Variants in AR observed in about 807,000 individuals in gnomAD.
AR encodes androgen receptor, also known as dihydrotestosterone receptor.
Under a neutral mutation model 53.9 loss-of-function variants are expected in AR, and 8 were observed. The ratio of observed to expected loss-of-function variants is 0.15; its 90% CI spans 0.09 to 0.27. AR has a LOEUF of 0.27. AR is among the 10% of genes least tolerant of loss of function. The pLI is 1.00. For missense variants in AR, 639 were observed against 742.5 expected, an observed-to-expected ratio of 0.86 and a Z score of 1.62; for synonymous variants, 359 against 316.4, an observed-to-expected ratio of 1.13 and a Z score of -1.43.
intron 1 of AR, among the ~76,000 whole-genome samples, chrX:67,553,683 A>G (rs1352470203): frequency 8.9e-6 from 1 of 111,941 alleles, no homozygotes; most frequent in Non-Finnish European, 1.9e-5. Flanking sequence ...TTCATCCATA[A>G]ATATGCGATG....
chrX:67,572,056 C>A (rs1399365046), intron 1 of AR, among the ~76,000 whole-genome samples: 1 of 111,047 alleles, frequency 9.0e-6, no homozygotes, highest in Non-Finnish European at 1.9e-5. Flanking sequence ...GTCTCAGTAG[C>A]TACCAAATGA....
intron 3 of AR, among the ~76,000 whole-genome samples, chrX:67,701,922 A>G (rs1401754659): frequency 9.0e-6 from 1 of 111,294 alleles, no homozygotes; most frequent in Non-Finnish European, 1.9e-5. Flanking sequence ...GATACTAGTT[A>G]TGAAGTTTGG....
At chrX:67,568,434 G>C (rs1336499311) in intron 1 of AR, among the ~76,000 whole-genome samples, 1 of 111,611 alleles carries the variant, frequency 9.0e-6, no homozygotes, top group Admixed American at 9.5e-5. Flanking sequence ...GGCACATTCA[G>C]ATTGGAAATC....
intron 2 of AR, among the ~76,000 whole-genome samples, chrX:67,682,308 A>G (rs1171167297): frequency 9.0e-6 from 1 of 111,317 alleles, no homozygotes; most frequent in African/African-American, 3.3e-5. Flanking sequence ...ATTTTGAGAC[A>G]GGGTCTCACT....
At chrX:67,714,018 G>A (rs1016408083) in intron 4 of AR, among the ~76,000 whole-genome samples, 1 of 112,054 alleles carries the variant, frequency 8.9e-6, no homozygotes, top group Non-Finnish European at 1.9e-5. Flanking sequence ...ACTGTGCTAG[G>A]CCCCTAATAA....
At chrX:67,563,973 C>T (rs747249568) in intron 1 of AR, among the ~76,000 whole-genome samples, 19 of 111,568 alleles carry the variant, frequency 1.7e-4, no homozygotes, top group Non-Finnish European at 3.2e-4. Context: ...TGAATCCTTC[C>T]GTGGCCTGGA....
chrX:67,712,721 T>C (rs1347970232), intron 4 of AR, among the ~76,000 whole-genome samples: 1 of 112,009 alleles, frequency 8.9e-6, no homozygotes, highest in Non-Finnish European at 1.9e-5. Context: ...TGAAAACCAG[T>C]GAAGTATATG....
intron 2 of AR, among the ~76,000 whole-genome samples, chrX:67,663,673 C>T (rs1017764309): frequency 7.2e-5 from 8 of 111,869 alleles, no homozygotes; most frequent in Admixed American, 2.8e-4. Flanking sequence ...TATTGGCCTG[C>T]CTTGCTAGAT....
In AR at chrX:67,728,227, C is replaced by T. The variant is rs1172977856; in HGVS notation, c.*4386C>T. 2 of 163,982 alleles carry T rather than the reference C, an allele frequency of 1.2e-5. No individual in the cohort carries two copies. Among genetic ancestry groups the T allele is most frequent in the African/African-American group, 3.1e-5 (1 of 32,274 alleles). The allele number at this position is 163,982 out of a possible 1,213,427, so 13.5% of individuals were successfully genotyped here. ...TGTTTAGAAGAATTGAAAATAATTTCGGGAAAATGGGATTATGGGTCCTTC... is the reference window on the plus strand; with the variant it reads ...TGTTTAGAAGAATTGAAAATAATTTTGGGAAAATGGGATTATGGGTCCTTC... On this transcript the variant is annotated 3_prime_UTR_variant, in exon 8 of 8. Transcript: ENST00000374690.
In AR at chrX:67,546,465, C is replaced by G; in HGVS notation, c.1319C>G (p.Thr440Arg). The stretch of plus-strand genomic sequence containing the variant: ...TCCTCATCCTGGCACACTCTCTTCA[C>G]AGCCGAAGAAGGCCAGTTGTATGGA... ...AASSSWHTLFTAEEGQLYGPC... is the reference protein window; with the variant it reads ...AASSSWHTLFRAEEGQLYGPC... The change falls in exon 1 of 8, where the codon ACA (threonine) becomes AGA (arginine). Residue 440 changes from threonine (T) to arginine (R), a missense_variant. Thr to Arg is a moderately conservative substitution (Grantham distance 71). Coordinates refer to ENST00000374690, the MANE Select transcript of AR (RefSeq NM_000044.6). 2.5e-6 allele frequency: 3 copies of G among 1,178,232 alleles called. No individual in the cohort carries two copies. Among genetic ancestry groups the G allele is most frequent in the Non-Finnish European group, 3.4e-6 (3 of 879,105 alleles).
At chrX:67,705,039 G>T (rs1302005079) in intron 3 of AR, among the ~76,000 whole-genome samples, 1 of 111,534 alleles carries the variant, frequency 9.0e-6, no homozygotes, top group Non-Finnish European at 1.9e-5. Flanking sequence ...TGCTGTTTTG[G>T]TTACTGTAGC....
At chrX:67,614,323 T>A (rs1924013178) in intron 1 of AR, among the ~76,000 whole-genome samples, 2 of 111,775 alleles carry the variant, frequency 1.8e-5, no homozygotes, top group Admixed American at 1.9e-4. Context: ...TATACACTTA[T>A]ACAAAATATC....
Position 67,728,821 on chromosome X carries a change from G to T in AR, c.*4980G>T. On this transcript the variant is annotated 3_prime_UTR_variant, in exon 8 of 8. Transcript: ENST00000374690. ...CCCACAGGTCCTGTGAAGGAGCAGA[G>T]GGATAAAAAGAGTAGAGGACATGAT... 6.1e-6 allele frequency: 1 copy of T among 163,592 alleles called. No individual in the cohort carries two copies. Among genetic ancestry groups the T allele is most frequent in the African/African-American group, 3.0e-5 (1 of 33,375 alleles). The allele number at this position is 163,592 out of a possible 1,213,427, so 13.5% of individuals were successfully genotyped here. A position where few individuals can be genotyped will look rare whatever the true frequency, so the allele number is the denominator to read the frequency against.
intron 2 of AR, among the ~76,000 whole-genome samples, chrX:67,660,314 G>T (rs572731137): frequency 8.1e-5 from 9 of 111,489 alleles, no homozygotes. Context: ...ATGGTATTGC[G>T]TAGGTTTTCT....
intron 2 of AR, among the ~76,000 whole-genome samples, chrX:67,648,390 T>C (rs1390014526): frequency 9.0e-6 from 1 of 111,392 alleles, no homozygotes; most frequent in Non-Finnish European, 1.9e-5. Flanking sequence ...ATATTCCAGA[T>C]GGTAAAAAGG....
chrX:67,561,532 A>T (rs1921304358), intron 1 of AR, among the ~76,000 whole-genome samples: 1 of 112,560 alleles, frequency 8.9e-6, no homozygotes. Context: ...GGGGATGTAT[A>T]TAGGTTAAAT....
Position 67,724,075 on chromosome X carries a change from G to C in AR, c.*234G>C. The C allele has an allele frequency of 2.4e-6, 1 of 422,154 alleles. No homozygotes were observed. Among genetic ancestry groups the C allele is most frequent in the Non-Finnish European group, 4.1e-6 (1 of 246,400 alleles). The allele number at this position is 422,154 out of a possible 1,213,427, so 34.8% of individuals were successfully genotyped here. ...CCCTCCCATGGCACCTTCAGACTTT[G>C]CTTCCCATTGTGGCTCCTATCTGTG... On this transcript the variant is annotated 3_prime_UTR_variant, in exon 8 of 8. Coordinates refer to ENST00000374690, the MANE Select transcript of AR (RefSeq NM_000044.6).
intron 2 of AR, among the ~76,000 whole-genome samples, chrX:67,666,626 A>C (rs1357929615): frequency 9.0e-6 from 1 of 111,586 alleles, no homozygotes; most frequent in Non-Finnish European, 1.9e-5. Context: ...TATTTTGTGG[A>C]ACCTCAAATC....
intron 1 of AR, among the ~76,000 whole-genome samples, chrX:67,613,840 T>C (rs1923989537): frequency 8.9e-6 from 1 of 112,171 alleles, no homozygotes; most frequent in African/African-American, 3.2e-5. Context: ...TGCCTAAAAC[T>C]GTGCCCTTTG....
Sources: allele counts gnomAD v4.1 joint callset (sites outside exome capture counted in the v4.1 genomes callset), GRCh38; gene constraint gnomAD v4.1.1; transcripts MANE v1.5; gene names NCBI Gene and HGNC (gene_info 2026-07-23, HGNC 2026-07-21).